IRX4: variants seen among roughly 807,000 people sequenced by gnomAD.
The protein encoded by IRX4 is iroquois-class homeodomain protein IRX-4.
A neutral mutation model predicts 32.0 loss-of-function variants in IRX4; 22 were observed. The ratio of observed to expected loss-of-function variants is 0.69; its 90% CI spans 0.49 to 0.98. The LOEUF (loss-of-function observed/expected upper bound fraction) is 0.98, where lower values mean the gene tolerates loss of function less well. IRX4 is among the 50% of genes least tolerant of loss of function. The probability of loss-of-function intolerance (pLI) is 0.00; values close to 1 mark genes in which losing one functional copy is unlikely to be tolerated. For synonymous variants in IRX4, 379 were observed against 351.7 expected (o/e 1.08, Z -0.87); for missense variants, 840 against 744.2 (o/e 1.13, Z -1.50).
rs761323970 is a variant in IRX4, at chr5:1,878,736, G to A, written c.793C>T (p.Pro265Ser). Residue 265 changes from proline to serine, a missense_variant, in exon 5 of 5, where the codon CCG becomes TCG. Pro to Ser is a moderately conservative substitution (Grantham distance 74). Coordinates refer to ENST00000231357, the MANE Select transcript of IRX4 (RefSeq NM_016358.3). ...CACGCCGGCGGCTCTGCTTCCAGCG[G>A]GTCGAAGTCGTCCAAGTCACTAAGC... ...LELSDLDDFDPLEAEPPACEL... is the reference protein window; with the variant it reads ...LELSDLDDFDSLEAEPPACEL... 2 of 1,612,964 alleles carry A rather than the reference G, an allele frequency of 1.2e-6. No homozygotes were observed. Among genetic ancestry groups the A allele is most frequent in the African/African-American group, 1.3e-5 (1 of 74,952 alleles).
At chr5:1,884,035 C>T (rs2111455684), upstream of IRX4, 1 of 152,464 alleles carries the variant, frequency 6.6e-6, no homozygotes, top group Non-Finnish European at 1.5e-5. Flanking sequence ...CACCCCAGGA[C>T]TCCCTCGGCC....
rs1440409191 is a variant in IRX4, at chr5:1,878,600, G to T, written c.929C>A (p.Ala310Glu). 1 of 1,557,552 alleles carries T rather than the reference G, an allele frequency of 6.4e-7. No homozygotes were observed. Among genetic ancestry groups the T allele is most frequent in the African/African-American group, 1.4e-5 (1 of 73,340 alleles). The change falls in exon 5 of 5, where the codon GCG becomes GAG. Residue 310 changes from alanine to glutamate, a missense_variant. Physicochemically the swap from Ala to Glu is moderately radical, Grantham distance 107. Coordinates refer to ENST00000231357, the MANE Select transcript of IRX4 (RefSeq NM_016358.3). ...ASGALRMSLA[A>E]GGGAALDEDL... ...CTCGTCCAGAGCAGCTCCGCCACCC[G>T]CGGCCAGAGACATCCGGAGCGCGCC...
At chr5:1,879,409 G>T (rs187577738) in intron 4 of IRX4, 95 bp downstream of exon 4, 10 of 1,572,936 alleles carry the variant, frequency 6.4e-6, no homozygotes, top group Non-Finnish European at 8.6e-7. Context: ...CATGGGGCTC[G>T]GCGTTTGGGA....
Position 1,877,998 on chromosome 5 carries a change from TG to T in IRX4, c.1530del (p.Lys511ArgfsTer32). On this transcript the variant is annotated frameshift_variant, in exon 5 of 5. Coordinates refer to ENST00000231357, the MANE Select transcript of IRX4 (RefSeq NM_016358.3). LOFTEE classifies it high-confidence loss of function. ...AGAARELLAL[P>X]KAGGKPFCA ...GCGCAGAAGGGTTTGCCGCCGGCCT[TG>T]GGCAGGGCGAGCAGCTCCCTGGCGG... The T allele has an allele frequency of 6.6e-7, 1 of 1,506,270 alleles. No individual in the cohort carries two copies. 93.3% of individuals were successfully genotyped at this position (1,506,270 alleles called of 1,614,324 possible).
Position 1,877,809 on chromosome 5 carries a change from G to A in IRX4, c.*160C>T, listed in dbSNP as rs766817717. The A allele has an allele frequency of 5.8e-6, 4 of 686,152 alleles. No individual in the cohort carries two copies. The highest frequency in any genetic ancestry group is 9.2e-6 in the Non-Finnish European group (4 of 435,150). The allele number at this position is 686,152 out of a possible 1,614,324, so 42.5% of individuals were successfully genotyped here. A position where few individuals can be genotyped will look rare whatever the true frequency, so the allele number is the denominator to read the frequency against. ...GGAGGCCCCGGCGTGGCAGCGCCGG[G>A]CTTGTCCATGTTCCCAGGAGTCCAA... On this transcript the variant is annotated 3_prime_UTR_variant, in exon 5 of 5. Coordinates refer to ENST00000231357, the MANE Select transcript of IRX4 (RefSeq NM_016358.3).
At chr5:1,885,865 G>C (rs1735612585), upstream of IRX4, among the ~76,000 whole-genome samples, 1 of 152,278 alleles carries the variant, frequency 6.6e-6, no homozygotes, top group South Asian at 2.1e-4. Flanking sequence ...TCAGGTATCA[G>C]CTGAACGCGT....
At chr5:1,880,319 G>A (rs1191205414) in intron 3 of IRX4, among the ~76,000 whole-genome samples, 1 of 152,210 alleles carries the variant, frequency 6.6e-6, no homozygotes, top group Non-Finnish European at 1.5e-5. Flanking sequence ...TCCAAAAGTG[G>A]GACAGGAGAG....
chr5:1,879,772 C>A lies in IRX4; in HGVS notation c.468G>T (p.Thr156=), dbSNP rs1443987415. The part of the protein sequence containing the change: ...RKNATRETTS[T]LKAWLQEHRK... Reference sequence around the variant, plus strand: ...GGTGCTCCTGCAGCCAGGCCTTGAGCGTGCTGGTGGTCTCGCGCGTGGCGT... The same window carrying A: ...GGTGCTCCTGCAGCCAGGCCTTGAGAGTGCTGGTGGTCTCGCGCGTGGCGT... The change falls in exon 4 of 5, where the codon ACG becomes ACT. Residue 156 remains threonine (T), a synonymous_variant. Coordinates refer to ENST00000231357, the MANE Select transcript of IRX4 (RefSeq NM_016358.3). 1.9e-6 allele frequency: 3 copies of A among 1,614,070 alleles called. No individual in the cohort carries two copies. The highest frequency in any genetic ancestry group is 2.7e-5 in the African/African-American group (2 of 74,940).
chr5:1,880,625 C>T lies in IRX4; in HGVS notation c.407+100G>A, dbSNP rs534069408. Reference sequence around the variant, plus strand: ...CTAAGAGTGTCTCTCTTCCTGCCTCCCGCCTTCCAGAAAGGGGGCATGATG... The same window carrying T: ...CTAAGAGTGTCTCTCTTCCTGCCTCTCGCCTTCCAGAAAGGGGGCATGATG... On this transcript the variant is annotated intron_variant, in intron 3 of 4. Transcript: ENST00000231357. 7 of 820,818 alleles carry T rather than the reference C, an allele frequency of 8.5e-6. No homozygotes were observed. The East Asian group carries it at 1.7e-4, about 20-fold the overall frequency. 50.8% of individuals were successfully genotyped at this position (820,818 alleles called of 1,614,324 possible).
chr5:1,882,148 G>A (rs936148908), intron 1 of IRX4, 89 bp from the exon 2 acceptor site: 13 of 1,452,680 alleles, frequency 8.9e-6, no homozygotes, highest in Non-Finnish European at 1.1e-5. Context: ...GCCCACGAGG[G>A]CGTGCCCCGA....
chr5:1,878,089 C>T lies in IRX4; in HGVS notation c.1440G>A (p.Val480=). 3 of 1,531,782 alleles carry T rather than the reference C, an allele frequency of 2.0e-6. No homozygotes were observed. Among genetic ancestry groups the T allele is most frequent in the East Asian group, 4.9e-5 (2 of 40,766 alleles). The allele number at this position is 1,531,782 out of a possible 1,614,324, so 94.9% of individuals were successfully genotyped here. The part of the protein sequence containing the change: ...LGRSLGAGAN[V]LTAPLARAFP... ...AGGCGCGGGCCAGGGGTGCAGTCAG[C>T]ACGTTCGCGCCCGCCCCCAGCGAGC... Residue 480 remains valine, a synonymous_variant, in exon 5 of 5, where the codon GTG becomes GTA. Coordinates refer to ENST00000231357, the MANE Select transcript of IRX4 (RefSeq NM_016358.3).
In IRX4 at chr5:1,878,276, A is replaced by AGGGCCACAGACGGGGAC; in HGVS notation, c.1236_1252dup (p.Leu418ArgfsTer21). On this transcript the variant is annotated frameshift_variant, in exon 5 of 5. Transcript: ENST00000231357. LOFTEE classifies it high-confidence loss of function. ...CCTGTCCAGGGCGCCAGAGTGGGGA[A>AGGGCCACAGACGGGGAC]GGGCCACAGACGGGGACGTGGCGGG... 1 of 1,600,758 alleles carries AGGGCCACAGACGGGGAC rather than the reference A, an allele frequency of 6.2e-7. No homozygotes were observed. The highest frequency in any genetic ancestry group is 8.5e-7 in the Non-Finnish European group (1 of 1,174,768).
At chr5:1,882,940 A>AC (rs534471027), upstream of IRX4, among the ~76,000 whole-genome samples, 24 of 151,628 alleles carry the variant, frequency 1.6e-4, no homozygotes, top group South Asian at 5.0e-3. Flanking sequence ...AAGAAAAAAA[A>AC]AAAAACGAGT....
At chr5:1,885,537 G>A (rs967169527), upstream of IRX4, among the ~76,000 whole-genome samples, 1 of 152,004 alleles carries the variant, frequency 6.6e-6, no homozygotes, top group African/African-American at 2.4e-5. Flanking sequence ...CCTGGGGTCC[G>A]GGCCCAGTCA....
In IRX4 at chr5:1,878,447, C is replaced by G. The variant is rs948693749; in HGVS notation, c.1082G>C (p.Gly361Ala). 2.7e-6 allele frequency: 4 copies of G among 1,464,794 alleles called. No homozygotes were observed. The highest frequency in any genetic ancestry group is 2.7e-6 in the Non-Finnish European group (3 of 1,113,704). 90.7% of individuals were successfully genotyped at this position (1,464,794 alleles called of 1,614,324 possible). A position where few individuals can be genotyped will look rare whatever the true frequency, so the allele number is the denominator to read the frequency against. The part of the protein sequence containing the change: ...LGFVPAGASA[G>A]LEAKPRIWSL... ...CCAGATGCGCGGCTTAGCCTCCAGG[C>G]CTGCCGACGCCCCCGCCGGCACAAA... Residue 361 changes from glycine (G) to alanine (A), a missense_variant, in exon 5 of 5, where the codon GGC (glycine) becomes GCC (alanine). Coordinates refer to ENST00000231357, the MANE Select transcript of IRX4 (RefSeq NM_016358.3).
chr5:1,878,980 G>C (rs894020462), intron 4 of IRX4, among the ~76,000 whole-genome samples, 188 bp from the exon 5 acceptor site: 1 of 149,378 alleles, frequency 6.7e-6, no homozygotes, highest in Non-Finnish European at 1.5e-5. Flanking sequence ...CTCCAATGGG[G>C]GAGGGGGGTG....
upstream of IRX4, chr5:1,884,658 T>C (rs1382527531): frequency 1.3e-5 from 2 of 152,276 alleles, no homozygotes; most frequent in African/African-American, 2.4e-5. Flanking sequence ...AATAATTGTT[T>C]CTGAATTCTG....
At chr5:1,884,540 A>T (rs1204507954), upstream of IRX4, 1 of 152,274 alleles carries the variant, frequency 6.6e-6, no homozygotes, top group East Asian at 1.9e-4. Context: ...AGCTGCTTGC[A>T]GAGGGAAACC....
At position 1,877,536 on chromosome 5, in the gene IRX4, A is replaced by C. The variant is rs567966563; in HGVS notation, c.*433T>G. On this transcript the variant is annotated 3_prime_UTR_variant, in exon 5 of 5. Transcript: ENST00000231357. The stretch of plus-strand genomic sequence containing the variant: ...CATATTATGGAGTCAAGAGTGTGCA[A>C]GAGTCAACTCAGTGCAAGTGCTGTT... The C allele has an allele frequency of 2.1e-5, 4 of 188,118 alleles. No homozygotes were observed. Among genetic ancestry groups the C allele is most frequent in the Non-Finnish European group, 4.3e-5 (4 of 93,058 alleles). 11.7% of individuals were successfully genotyped at this position (188,118 alleles called of 1,614,324 possible). A position where few individuals can be genotyped will look rare whatever the true frequency, so the allele number is the denominator to read the frequency against.
Sources: gnomAD v4.1 joint callset for allele counts (sites outside exome capture counted in the v4.1 genomes callset) on GRCh38, gnomAD v4.1.1 for gene constraint, MANE v1.5 for transcripts, NCBI Gene and HGNC (gene_info 2026-07-23, HGNC 2026-07-21) for gene names.